GLIS3: variants seen among roughly 807,000 people sequenced by gnomAD.
GLIS3 encodes the protein zinc finger protein GLIS3.
A neutral mutation model predicts 78.6 loss-of-function variants in GLIS3; 53 were observed. The ratio of observed to expected loss-of-function variants is 0.67; its 90% CI spans 0.54 to 0.85. The LOEUF (loss-of-function observed/expected upper bound fraction) is 0.85. Ranked by LOEUF, GLIS3 falls within the 40% of genes least tolerant of loss-of-function variation. GLIS3 has a pLI of 0.00. For missense variants in GLIS3, 1,703 were observed against 1,231.1 expected (o/e 1.38, Z -5.74); for synonymous variants, 684 against 509.9 (o/e 1.34, Z -4.60).
the GLIS3 span, among the ~76,000 whole-genome samples, chr9:4,370,219 AAACAAT>A: frequency 2.0e-5 from 3 of 151,874 alleles, no homozygotes; most frequent in Non-Finnish European, 4.4e-5. Context: ...AAAAAACAAA[AAACAAT>A]ATAACCAAAA....
At chr9:3,878,911 C>A (rs1306876618) in intron 8 of GLIS3, 1 of 161,544 alleles carries the variant, frequency 6.2e-6, no homozygotes, top group Non-Finnish European at 1.4e-5. Flanking sequence ...CGAAAGGCCT[C>A]TGGGGCCAAT....
chr9:3,937,602 A>T (rs1563870264), intron 4 of GLIS3, among the ~76,000 whole-genome samples: 1 of 152,204 alleles, frequency 6.6e-6, no homozygotes, highest in Non-Finnish European at 1.5e-5. Context: ...TAAACTAATA[A>T]GAAAAAAAAA....
At chr9:3,931,488 C>T (rs957037586) in intron 6 of GLIS3, among the ~76,000 whole-genome samples, 1 of 152,124 alleles carries the variant, frequency 6.6e-6, no homozygotes, top group Non-Finnish European at 1.5e-5. Flanking sequence ...TCAAATGAAT[C>T]AGGAACCCAT....
intron 4 of GLIS3, among the ~76,000 whole-genome samples, chr9:3,943,161 T>G (rs1413670788): frequency 6.6e-6 from 1 of 152,250 alleles, no homozygotes; most frequent in African/African-American, 2.4e-5. Flanking sequence ...CTGTTTCCAG[T>G]GCATTCTTAG....
At chr9:4,396,117 C>CTT in the GLIS3 span, among the ~76,000 whole-genome samples, 33 of 141,126 alleles carry the variant, frequency 2.3e-4, no homozygotes, top group African/African-American at 7.8e-4. Flanking sequence ...GCCATTTTTA[C>CTT]TTTTTTTTTT....
chr9:4,133,208 G>C (rs1383850758), intron 2 of GLIS3, among the ~76,000 whole-genome samples: 1 of 152,108 alleles, frequency 6.6e-6, no homozygotes, highest in East Asian at 1.9e-4. Context: ...CAGATTCCAT[G>C]TCCTTCATTC....
the GLIS3 span, among the ~76,000 whole-genome samples, chr9:4,441,949 G>C: frequency 6.6e-6 from 1 of 152,078 alleles, no homozygotes; most frequent in African/African-American, 2.4e-5. Context: ...TGGGTATCAA[G>C]GTAATGTTGG....
At chr9:4,069,690 T>C (rs978800006) in intron 4 of GLIS3, among the ~76,000 whole-genome samples, 1 of 152,200 alleles carries the variant, frequency 6.6e-6, no homozygotes, top group Non-Finnish European at 1.5e-5. Flanking sequence ...GGTGCTTTTT[T>C]GGTCTACAGT....
intron 4 of GLIS3, among the ~76,000 whole-genome samples, chr9:3,965,145 T>C (rs1224631726): frequency 6.6e-6 from 1 of 151,374 alleles, no homozygotes; most frequent in Non-Finnish European, 1.5e-5. Context: ...TGTCAAACAA[T>C]AGGAGTTTCC....
chr9:4,399,839 T>C, the GLIS3 span, among the ~76,000 whole-genome samples: 121 of 152,298 alleles, frequency 7.9e-4, no homozygotes, highest in East Asian at 0.017. Flanking sequence ...CTTTGAGGCA[T>C]GATGCTGTAG....
chr9:4,172,722 G>T (rs2131135990), intron 2 of GLIS3, among the ~76,000 whole-genome samples: 1 of 152,270 alleles, frequency 6.6e-6, no homozygotes, highest in South Asian at 2.1e-4. Flanking sequence ...AAGTCTATAA[G>T]AAGGCAAAAA....
At chr9:4,388,973 A>C in the GLIS3 span, among the ~76,000 whole-genome samples, 1 of 152,140 alleles carries the variant, frequency 6.6e-6, no homozygotes, top group Admixed American at 6.5e-5. Context: ...GGGATAGGGT[A>C]GGGGTACCAA....
the GLIS3 span, among the ~76,000 whole-genome samples, chr9:4,368,183 A>G: frequency 6.6e-6 from 1 of 152,172 alleles, no homozygotes; most frequent in Non-Finnish European, 1.5e-5. Context: ...TTACGTTTTA[A>G]AAAGGACTTC....
intron 2 of GLIS3, among the ~76,000 whole-genome samples, chr9:4,343,689 T>C (rs1311221262): frequency 2.0e-5 from 3 of 152,220 alleles, no homozygotes; most frequent in African/African-American, 7.2e-5. Context: ...GTGGACCGGA[T>C]AAAGAAAATG....
At chr9:4,370,934 A>G in the GLIS3 span, among the ~76,000 whole-genome samples, 1 of 152,140 alleles carries the variant, frequency 6.6e-6, no homozygotes, top group South Asian at 2.1e-4. Flanking sequence ...AAATAGCATA[A>G]AAGACTCCTA....
At chr9:4,353,734 C>A in the GLIS3 span, among the ~76,000 whole-genome samples, 1 of 152,176 alleles carries the variant, frequency 6.6e-6, no homozygotes, top group African/African-American at 2.4e-5. Context: ...CGTCGTTTTT[C>A]TGGGGGCCTC....
At chr9:4,009,094 T>C (rs1451797209) in intron 4 of GLIS3, among the ~76,000 whole-genome samples, 1 of 152,234 alleles carries the variant, frequency 6.6e-6, no homozygotes. Context: ...GATGCATTTA[T>C]AGATTAATGT....
chr9:4,180,800 G>A (rs1054284270), intron 2 of GLIS3, among the ~76,000 whole-genome samples: 5 of 152,096 alleles, frequency 3.3e-5, no homozygotes, highest in East Asian at 1.9e-4. Flanking sequence ...GAGGAGCGGC[G>A]GTGTAGCAGA....
chr9:4,253,084 C>G (rs1322477362), intron 2 of GLIS3, among the ~76,000 whole-genome samples: 3 of 152,240 alleles, frequency 2.0e-5, no homozygotes, highest in Non-Finnish European at 4.4e-5. Context: ...TTAGGAGGCA[C>G]AGGGGTCAGG....
Sources: gnomAD v4.1 joint callset for allele counts (sites outside exome capture counted in the v4.1 genomes callset) on GRCh38, gnomAD v4.1.1 for gene constraint, MANE v1.5 for transcripts, NCBI Gene and HGNC (gene_info 2026-07-23, HGNC 2026-07-21) for gene names.